Variants in SEMA3F observed in about 807,000 individuals in gnomAD.
The protein encoded by SEMA3F is semaphorin-3F.
A neutral mutation model predicts 98.5 loss-of-function variants in SEMA3F; 30 were observed. That is an observed-to-expected ratio of 0.30 (90% confidence interval 0.23 to 0.41). The LOEUF (loss-of-function observed/expected upper bound fraction) is 0.41, where lower values mean the gene tolerates loss of function less well. SEMA3F is among the 10% of genes least tolerant of loss of function. The probability of loss-of-function intolerance (pLI) is 1.00; values close to 1 mark genes in which losing one functional copy is unlikely to be tolerated. For missense variants in SEMA3F, 866 were observed against 1,119.3 expected (o/e 0.77, Z 3.23); for synonymous variants, 380 against 444.8 (o/e 0.85, Z 1.83).
intron 1 of SEMA3F, among the ~76,000 whole-genome samples, chr3:50,157,702 C>T (rs1045464559): frequency 6.6e-6 from 1 of 152,176 alleles, no homozygotes; most frequent in Non-Finnish European, 1.5e-5. Context: ...CCCCATTCAC[C>T]TCTTTAAAAG....
chr3:50,157,330 C>G (rs1016846222), intron 1 of SEMA3F, among the ~76,000 whole-genome samples: 8 of 151,962 alleles, frequency 5.3e-5, no homozygotes, highest in Non-Finnish European at 1.2e-4. Flanking sequence ...TCTCCTCCGT[C>G]CCTCCCTCTC....
At chr3:50,186,791 C>T (rs1378633071) in intron 18 of SEMA3F, 45 bp downstream of exon 18, 8 of 1,534,502 alleles carry the variant, frequency 5.2e-6, no homozygotes, top group African/African-American at 2.7e-5. Context: ...TGAGTCCTTG[C>T]ACAGTGGTGA....
chr3:50,159,310 G>A (rs1391200245), intron 1 of SEMA3F: 1 of 308,860 alleles, frequency 3.2e-6, no homozygotes, highest in Non-Finnish European at 5.9e-6. Context: ...CCCTGTGAAT[G>A]GAATTCAGCA....
At position 50,188,114 on chromosome 3, in the gene SEMA3F, G is replaced by A. The variant is rs1335045412; in HGVS notation, c.2357G>A (p.Ter786=). Residue 786 remains the stop codon, a stop_retained_variant, in exon 19 of 19, where the codon TGA becomes TAA. Transcript: ENST00000002829. The surrounding 1 kb of genome is among the most constrained non-coding windows in gnomAD (Gnocchi z 4.5). ...RNRRHHPPDT[*] ...CGCCGGCACCACCCTCCGGACACAT[G>A]AGGCCAGCTGCCTGTGCCTGCCATG... 21 of 1,484,386 alleles carry A rather than the reference G, an allele frequency of 1.4e-5. No homozygotes were observed. The highest frequency in any genetic ancestry group is 2.8e-5 in the African/African-American group (2 of 70,754). 92.0% of individuals were successfully genotyped at this position (1,484,386 alleles called of 1,614,324 possible). A position where few individuals can be genotyped will look rare whatever the true frequency, so the allele number is the denominator to read the frequency against.
chr3:50,176,692 TG>T, intron 6 of SEMA3F, 75 bp from the exon 7 acceptor site: 1 of 1,068,858 alleles, frequency 9.4e-7, no homozygotes, highest in Non-Finnish European at 1.4e-6. Context: ...ATTCTCACCC[TG>T]GGAGCCTGGT....
At position 50,185,965 on chromosome 3, in the gene SEMA3F, G is replaced by A; in HGVS notation, c.1664G>A (p.Cys555Tyr). The change falls in exon 16 of 19, where the codon TGT (cysteine) becomes TAT (tyrosine). Residue 555 changes from cysteine to tyrosine, a missense_variant. Coordinates refer to ENST00000002829, the MANE Select transcript of SEMA3F (RefSeq NM_004186.5). ...LHRCQAYGAACADCCLARDPY... is the reference protein window; with the variant it reads ...LHRCQAYGAAYADCCLARDPY... The stretch of plus-strand genomic sequence containing the variant: ...CGCTGCCAGGCGTATGGGGCTGCCT[G>A]TGCTGACTGCTGCCTTGCCCGGGAC... 6.2e-7 allele frequency: 1 copy of A among 1,614,104 alleles called. No individual in the cohort carries two copies. The highest frequency in any genetic ancestry group is 8.5e-7 in the Non-Finnish European group (1 of 1,180,010).
intron 2 of SEMA3F, among the ~76,000 whole-genome samples, chr3:50,168,462 C>T (rs1315894063): frequency 1.3e-5 from 2 of 152,066 alleles, no homozygotes; most frequent in African/African-American, 4.8e-5. Context: ...CATACTGGGC[C>T]CTGGGTTGGC....
At position 50,155,922 on chromosome 3, in the gene SEMA3F, C is replaced by G. The variant is rs1697960627; in HGVS notation, c.-49+358C>G. ...CCCCCTTCTGCCTCAGCTCTCTCTC[C>G]CATTAACGCCCGAGGCAGCGCTCTT... On this transcript the variant is annotated intron_variant, in intron 1 of 18. Coordinates refer to ENST00000002829, the MANE Select transcript of SEMA3F (RefSeq NM_004186.5). The surrounding 1 kb of genome is among the most constrained non-coding windows in gnomAD (Gnocchi z 4.9). 6.6e-6 allele frequency: 1 copy of G among 152,590 alleles called. No individual in the cohort carries two copies. The highest frequency in any genetic ancestry group is 6.5e-5 in the Admixed American group (1 of 15,282). 9.5% of individuals were successfully genotyped at this position (152,590 alleles called of 1,614,324 possible).
intron 2 of SEMA3F, among the ~76,000 whole-genome samples, chr3:50,172,708 G>T (rs752444741): frequency 6.6e-6 from 1 of 152,136 alleles, no homozygotes; most frequent in Non-Finnish European, 1.5e-5. Context: ...GCTGGGGTCC[G>T]TAGGGCAGTG....
intron 6 of SEMA3F, among the ~76,000 whole-genome samples, chr3:50,175,803 C>CTG (rs1006519548): frequency 5.3e-5 from 8 of 151,856 alleles, no homozygotes; most frequent in African/African-American, 1.9e-4. Flanking sequence ...CGTGTGGATT[C>CTG]TGTGTGTGTG....
At chr3:50,171,842 G>C (rs1373873893) in intron 2 of SEMA3F, among the ~76,000 whole-genome samples, 1 of 152,224 alleles carries the variant, frequency 6.6e-6, no homozygotes, top group Non-Finnish European at 1.5e-5. Flanking sequence ...CGCCAGGCAG[G>C]ATCGGCCCTT....
intron 7 of SEMA3F, among the ~76,000 whole-genome samples, chr3:50,177,271 G>A (rs1262255055): frequency 1.3e-5 from 2 of 152,242 alleles, no homozygotes; most frequent in East Asian, 3.8e-4. Context: ...CTGTAGCGAA[G>A]GACCAATGGA....
intron 2 of SEMA3F, among the ~76,000 whole-genome samples, chr3:50,170,109 T>G (rs1698548527): frequency 6.6e-6 from 1 of 152,104 alleles, no homozygotes; most frequent in Non-Finnish European, 1.5e-5. Flanking sequence ...GCTCCTTGTT[T>G]CCCTTTTCAC....
intron 7 of SEMA3F, among the ~76,000 whole-genome samples, chr3:50,178,573 T>C (rs781137950): frequency 6.6e-6 from 1 of 151,158 alleles, no homozygotes; most frequent in African/African-American, 2.4e-5. Flanking sequence ...AATACAAAAA[T>C]TAGCCAGGTG....
rs1478229256 is a variant in SEMA3F at position 50,158,821 on chromosome 3, G to A, written c.-48-754G>A. On this transcript the variant is annotated intron_variant, in intron 1 of 18. Coordinates refer to ENST00000002829, the MANE Select transcript of SEMA3F (RefSeq NM_004186.5). The surrounding 1 kb of genome is among the most constrained non-coding windows in gnomAD (Gnocchi z 4.8). Reference sequence around the variant, plus strand: ...TGAAACTTGGACCTGCTGGGGCTATGGGGGATTCTGAAGGTGGCAATGCCG... The same window carrying A: ...TGAAACTTGGACCTGCTGGGGCTATAGGGGATTCTGAAGGTGGCAATGCCG... 6.6e-6 allele frequency among the ~76,000 whole-genome samples: 1 copy of A among 152,220 alleles called. No individual in the cohort carries two copies. Among genetic ancestry groups the A allele is most frequent in the East Asian group, 1.9e-4 (1 of 5,204 alleles).
intron 7 of SEMA3F, 138 bp downstream of exon 7, chr3:50,176,999 C>A: frequency 1.4e-6 from 1 of 712,250 alleles, no homozygotes. Flanking sequence ...CCCCACCTGG[C>A]AAGGGGGAGA....
chr3:50,173,588 G>C (rs542615946), intron 2 of SEMA3F, among the ~76,000 whole-genome samples: 1 of 152,342 alleles, frequency 6.6e-6, no homozygotes. Flanking sequence ...GTTGCAGTGA[G>C]CCGCAATCTC....
intron 18 of SEMA3F, 125 bp from the exon 19 acceptor site, chr3:50,187,580 G>T: frequency 3.1e-6 from 2 of 641,648 alleles, no homozygotes; most frequent in Non-Finnish European, 5.0e-6. Flanking sequence ...TGGTTTTTCT[G>T]GCATATGGAA....
In SEMA3F at chr3:50,155,356, G is replaced by A. The variant is rs1320629091; in HGVS notation, c.-257G>A. The A allele has an allele frequency of 1.0e-5, 3 of 295,296 alleles. No individual in the cohort carries two copies. The highest frequency in any genetic ancestry group is 5.2e-5 in the Admixed American group (1 of 19,264). 18.3% of individuals were successfully genotyped at this position (295,296 alleles called of 1,614,324 possible). ...CCTGAGCCTTCCCATGGCCCGGGCT[G>A]GGGCCCGGGCCCTCGGCTGCTGACG... On this transcript the variant is annotated 5_prime_UTR_variant, in exon 1 of 19. Transcript: ENST00000002829. This position sits in a 1 kb window ranked among gnomAD's most constrained non-coding sequence, Gnocchi z 4.9.
Sources: allele counts gnomAD v4.1 joint callset (sites outside exome capture counted in the v4.1 genomes callset), GRCh38; gene constraint gnomAD v4.1.1; non-coding constraint Gnocchi (gnomAD v3.1); transcripts MANE v1.5; gene names NCBI Gene and HGNC (gene_info 2026-07-23, HGNC 2026-07-21).